Variants in SLCO1B3 observed in about 807,000 individuals in gnomAD.
SLCO1B3 encodes the protein solute carrier organic anion transporter family member 1B3.
Under a neutral mutation model 71.8 loss-of-function variants are expected in SLCO1B3, and 72 were observed. The observed-to-expected ratio is 1.00, with a 90% confidence interval of 0.83 to 1.22. SLCO1B3 has a LOEUF of 1.22. Among genes scored for constraint, SLCO1B3 ranks in the 50% most tolerant of loss-of-function variants. SLCO1B3 has a pLI of 0.00. For synonymous variants in SLCO1B3, 298 were observed against 278.4 expected, an observed-to-expected ratio of 1.07 and a Z score of -0.70; for missense variants, 911 against 819.7, an observed-to-expected ratio of 1.11 and a Z score of -1.36.
At chr12:20,875,560 T>C (rs1865565608) in intron 9 of SLCO1B3, 83 bp downstream of exon 9, 1 of 1,359,824 alleles carries the variant, frequency 7.4e-7, no homozygotes, top group Non-Finnish European at 1.0e-6. Flanking sequence ...TAAAGCATAC[T>C]CAAATCATCT....
Position 20,883,511 on chromosome 12 carries a change from A to G in SLCO1B3, c.1591A>G (p.Thr531Ala). ...TGAATGCCCAAGAGATAATACTTGTACAAGGAAATTTTTCATCTATGTTGC... is the reference window on the plus strand; with the variant it reads ...TGAATGCCCAAGAGATAATACTTGTGCAAGGAAATTTTTCATCTATGTTGC... The part of the protein sequence containing the change: ...LGECPRDNTC[T>A]RKFFIYVAIQ... The change falls in exon 13 of 16, where the codon ACA becomes GCA. Residue 531 changes from threonine (T) to alanine (A), a missense_variant. Coordinates refer to ENST00000381545, the MANE Select transcript of SLCO1B3 (RefSeq NM_019844.4). 2 of 1,605,372 alleles carry G rather than the reference A, an allele frequency of 1.2e-6. No individual in the cohort carries two copies. The highest frequency in any genetic ancestry group is 1.7e-6 in the Non-Finnish European group (2 of 1,176,280).
chr12:20,833,602 CTA>C (rs779954605), intron 3 of SLCO1B3, among the ~76,000 whole-genome samples: 6 of 147,630 alleles, frequency 4.1e-5, no homozygotes, highest in Admixed American at 6.9e-5. Context: ...CATATATACA[CTA>C]TATATAGTAT....
intron 13 of SLCO1B3, among the ~76,000 whole-genome samples, chr12:20,896,428 C>T (rs934053282): frequency 1.3e-5 from 2 of 152,166 alleles, no homozygotes; most frequent in African/African-American, 4.8e-5. Context: ...TCATCTCCCT[C>T]AAGTTCAAAG....
intron 3 of SLCO1B3, among the ~76,000 whole-genome samples, chr12:20,836,876 CGGGATCCGCCTACCTTG>C (rs1864694192): frequency 6.6e-6 from 1 of 152,100 alleles, no homozygotes; most frequent in Non-Finnish European, 1.5e-5. Flanking sequence ...CTCCTGACCT[CGGGATCCGCCTACCTTG>C]GCCTCCCAAA....
rs1865210219 is a variant in SLCO1B3, at chr12:20,859,490, T to TCCGC, written c.359+921_359+922insGCCC. ...GGTCACCATATGAATTCTGTTTTTTTCCCCCTCTACATTTGGCCCTTATAA... is the reference window on the plus strand; with the variant it reads ...GGTCACCATATGAATTCTGTTTTTTTCCGCCCCCCTCTACATTTGGCCCTTATAA... On this transcript the variant is annotated intron_variant, in intron 5 of 15. Coordinates refer to ENST00000381545, the MANE Select transcript of SLCO1B3 (RefSeq NM_019844.4). Among the ~76,000 whole-genome samples the TCCGC allele has an allele frequency of 3.3e-4, 47 of 140,584 alleles. 1 individual carries two copies. The South Asian group carries it at 7.5e-3, about 22-fold the overall frequency. 92.2% of individuals were successfully genotyped at this position (140,584 alleles called of 152,430 possible). A position where few individuals can be genotyped will look rare whatever the true frequency, so the allele number is the denominator to read the frequency against.
At chr12:20,843,344 A>G (rs1423186304) in intron 3 of SLCO1B3, among the ~76,000 whole-genome samples, 1 of 152,150 alleles carries the variant, frequency 6.6e-6, no homozygotes, top group Non-Finnish European at 1.5e-5. Context: ...TTATTGAAGT[A>G]TATCTTCCGA....
chr12:20,911,604 AT>A (rs1866377582), intron 15 of SLCO1B3, among the ~76,000 whole-genome samples: 1 of 152,186 alleles, frequency 6.6e-6, no homozygotes, highest in Non-Finnish European at 1.5e-5. Context: ...TTATCAATTC[AT>A]TTCTTTAACA....
intron 3 of SLCO1B3, among the ~76,000 whole-genome samples, chr12:20,853,146 C>T (rs1412272915): frequency 6.6e-6 from 1 of 151,986 alleles, no homozygotes; most frequent in Non-Finnish European, 1.5e-5. Context: ...TTAAAATATG[C>T]TGTTGAATTC....
At position 20,879,630 on chromosome 12, in the gene SLCO1B3, G is replaced by T; in HGVS notation, c.1330G>T (p.Gly444Ter). The T allele has an allele frequency of 6.3e-7, 1 of 1,592,258 alleles. No homozygotes were observed. The highest frequency in any genetic ancestry group is 1.1e-5 in the South Asian group (1 of 89,638). Residue 444 changes from glycine (G) to a stop codon, truncating the protein, a stop_gained and splice_region_variant, in exon 11 of 16, where the codon GGA becomes TGA. Transcript: ENST00000381545. LOFTEE classifies it high-confidence loss of function. ...SVAGLTLTYD[G>*]NNSVASHVDV... ...TGCCGGCCTAACCTTGACCTATGAT[G>T]GGTTTGTATATATTGCTATATAAAT...
rs991231415 is a variant in SLCO1B3, at chr12:20,912,016, T to C, written c.1866-3988T>C. 3.3e-5 allele frequency among the ~76,000 whole-genome samples: 5 copies of C among 152,194 alleles called. No homozygotes were observed. In the South Asian group the frequency reaches 1.0e-3, roughly 31 times the overall value. ...TAGTTTGCTAAGGTAAAAGATTAAA[T>C]GATTGATTTAAGATATTCTTCATTT... On this transcript the variant is annotated intron_variant, in intron 15 of 15. Transcript: ENST00000381545.
intron 13 of SLCO1B3, 133 bp from the exon 14 acceptor site, chr12:20,898,303 A>G (rs539510313): frequency 2.8e-4 from 166 of 599,730 alleles, no homozygotes; most frequent in Middle Eastern, 9.3e-4. Context: ...ATGTAACTTT[A>G]TATAACGTGG....
intron 11 of SLCO1B3, among the ~76,000 whole-genome samples, chr12:20,879,928 AACAC>A (rs1183786061): frequency 6.6e-6 from 1 of 152,100 alleles, no homozygotes; most frequent in African/African-American, 2.4e-5. Context: ...GATTTAGAGA[AACAC>A]ACACATTATA....
intron 13 of SLCO1B3, among the ~76,000 whole-genome samples, chr12:20,895,221 T>G (rs542806335): frequency 6.6e-6 from 1 of 152,266 alleles, no homozygotes; most frequent in African/African-American, 2.4e-5. Flanking sequence ...TCCTCACATT[T>G]CAATACCAAT....
At chr12:20,813,015 A>AT (rs1173285247) in intron 1 of SLCO1B3, among the ~76,000 whole-genome samples, 3 of 152,076 alleles carry the variant, frequency 2.0e-5, no homozygotes, top group African/African-American at 4.8e-5. Context: ...CAAATTATTG[A>AT]TTTTTTTCCT....
At chr12:20,868,827 G>A (rs551965687) in intron 8 of SLCO1B3, among the ~76,000 whole-genome samples, 100 of 152,212 alleles carry the variant, frequency 6.6e-4, no homozygotes, top group Middle Eastern at 6.8e-3. Context: ...AGGTCACGTG[G>A]ATCACATGTC....
chr12:20,837,844 T>G (rs1418136872), intron 3 of SLCO1B3, among the ~76,000 whole-genome samples: 3 of 152,146 alleles, frequency 2.0e-5, no homozygotes, highest in Non-Finnish European at 4.4e-5. Context: ...TATATCCAGT[T>G]GATTAATGGT....
At chr12:20,867,701 A>G (rs1357117069) in intron 8 of SLCO1B3, among the ~76,000 whole-genome samples, 1 of 152,244 alleles carries the variant, frequency 6.6e-6, no homozygotes, top group Admixed American at 6.5e-5. Flanking sequence ...GGGCACTGAA[A>G]TGAAAGCAAA....
intron 15 of SLCO1B3, among the ~76,000 whole-genome samples, chr12:20,910,240 T>G (rs1456472401): frequency 1.3e-5 from 2 of 152,206 alleles, no homozygotes. Flanking sequence ...ACCTTTATGT[T>G]TTTCTACAGA....
At chr12:20,905,403 T>C (rs1011653108) in intron 15 of SLCO1B3, among the ~76,000 whole-genome samples, 4 of 152,232 alleles carry the variant, frequency 2.6e-5, no homozygotes, top group African/African-American at 9.6e-5. Flanking sequence ...AATGAGTTTT[T>C]CTTTTCTACC....
Sources: allele counts gnomAD v4.1 joint callset (sites outside exome capture counted in the v4.1 genomes callset), GRCh38; gene constraint gnomAD v4.1.1; transcripts MANE v1.5; gene names NCBI Gene and HGNC (gene_info 2026-07-23, HGNC 2026-07-21).